The following TFRC variants were observed in gnomAD, a reference collection of about 807,000 sequenced individuals.
TFRC encodes transferrin receptor protein 1.
TFRC carries 35 observed loss-of-function variants against 85.8 expected under a neutral mutation model. That is an observed-to-expected ratio of 0.41 (90% CI 0.31 to 0.54). The LOEUF (loss-of-function observed/expected upper bound fraction) is 0.54. Ranked by LOEUF, TFRC falls within the 20% of genes least tolerant of loss-of-function variation. The pLI, the probability that TFRC is intolerant of heterozygous loss-of-function variation, is 0.31. For synonymous variants in TFRC, 362 were observed against 328.6 expected (o/e 1.10, Z -1.10); for missense variants, 828 against 921.5 (o/e 0.90, Z 1.31).
chr3:196,058,755 G>T (rs1298994152), intron 14 of TFRC, 123 bp from the exon 15 acceptor site: 12 of 555,304 alleles, frequency 2.2e-5, no homozygotes, highest in Admixed American at 1.7e-4. Context: ...TTCTTGAAAA[G>T]AAATTATTTA....
In TFRC at chr3:196,068,340, T is replaced by C. The variant is rs368354510; in HGVS notation, c.802-210A>G. On this transcript the variant is annotated intron_variant, in intron 7 of 18. Transcript: ENST00000360110. ...CAAAATAAGAGTAACGGGCCAGGAG[T>C]GGTGGCTCACGCCTGTAATCCCAAC... Among the ~76,000 whole-genome samples, 7 of 151,834 alleles carry C rather than the reference T, an allele frequency of 4.6e-5. No individual in the cohort carries two copies. The East Asian group carries it at 1.4e-3, about 29-fold the overall frequency.
intron 1 of TFRC, among the ~76,000 whole-genome samples, chr3:196,079,351 G>A (rs1042412525): frequency 6.6e-6 from 1 of 152,216 alleles, no homozygotes; most frequent in Non-Finnish European, 1.5e-5. Flanking sequence ...GCTCACGCCT[G>A]TAATCCCAGC....
In TFRC at chr3:196,051,809, T is replaced by A. The variant is rs112002506; in HGVS notation, c.*133A>T. ...TATTAAAAGCTGCTGCCTAAAGACA[T>A]CTAGTAGTACCAAGATGATGGGATG... On this transcript the variant is annotated 3_prime_UTR_variant, in exon 19 of 19. Coordinates refer to ENST00000360110, the MANE Select transcript of TFRC (RefSeq NM_001128148.3). The A allele has an allele frequency of 8.7e-5, 93 of 1,073,364 alleles. No individual in the cohort carries two copies. The African/African-American group carries it at 1.3e-3, about 16-fold the overall frequency. 66.5% of individuals were successfully genotyped at this position (1,073,364 alleles called of 1,614,324 possible).
At chr3:196,069,233 TA>T (rs1237868167) in intron 7 of TFRC, among the ~76,000 whole-genome samples, 1 of 152,232 alleles carries the variant, frequency 6.6e-6, no homozygotes, top group African/African-American at 2.4e-5. Context: ...TGTATATGCG[TA>T]AAACTGAGTT....
In TFRC at chr3:196,053,533, A is replaced by G; in HGVS notation, c.1925T>C (p.Leu642Pro). Residue 642 changes from leucine (L) to proline (P), a missense_variant, in exon 18 of 19, where the codon CTG becomes CCG. Leu to Pro is a moderately conservative substitution (Grantham distance 98). Transcript: ENST00000360110. ...GAAGAAGTCTCCACGAGCAGAATACAGCCACTGTAAACTCAGGCCCATTTC... is the reference window on the plus strand; with the variant it reads ...GAAGAAGTCTCCACGAGCAGAATACGGCCACTGTAAACTCAGGCCCATTTC... ...IKEMGLSLQW[L>P]YSARGDFFRA... The G allele has an allele frequency of 6.2e-7, 1 of 1,614,212 alleles. No individual in the cohort carries two copies. The highest frequency in any genetic ancestry group is 2.2e-5 in the East Asian group (1 of 44,872).
At position 196,051,241 on chromosome 3, in the gene TFRC, G is replaced by C; in HGVS notation, c.*701C>G. On this transcript the variant is annotated 3_prime_UTR_variant, in exon 19 of 19. Coordinates refer to ENST00000360110, the MANE Select transcript of TFRC (RefSeq NM_001128148.3). ...CAAAAATAACAAAGAACTAAATGGA[G>C]GCTTATGGGGGAAGGGACAGAGGAA... is the stretch of plus-strand genomic sequence containing the variant. 4.6e-6 allele frequency: 1 copy of C among 218,492 alleles called. No individual in the cohort carries two copies. The highest frequency in any genetic ancestry group is 9.2e-6 in the Non-Finnish European group (1 of 108,538). The allele number at this position is 218,492 out of a possible 1,614,324, so 13.5% of individuals were successfully genotyped here. A position where few individuals can be genotyped will look rare whatever the true frequency, so the allele number is the denominator to read the frequency against.
At chr3:196,055,024 A>G in intron 17 of TFRC, 56 bp downstream of exon 17, 1 of 1,536,528 alleles carries the variant, frequency 6.5e-7, no homozygotes, top group South Asian at 1.1e-5. Flanking sequence ...AACACATCAC[A>G]TTTCAAAATA....
chr3:196,051,910 T>G lies in TFRC; in HGVS notation c.*32A>C, dbSNP rs747005046. The G allele has an allele frequency of 6.2e-7, 1 of 1,608,778 alleles. No homozygotes were observed. The highest frequency in any genetic ancestry group is 2.2e-5 in the East Asian group (1 of 44,810). On this transcript the variant is annotated 3_prime_UTR_variant, in exon 19 of 19. Coordinates refer to ENST00000360110, the MANE Select transcript of TFRC (RefSeq NM_001128148.3). ...CACAAGTCTAGAAACCAGACTACCCTGCTGTTCTCATGGAAGCTATGGGTA... is the reference window on the plus strand; with the variant it reads ...CACAAGTCTAGAAACCAGACTACCCGGCTGTTCTCATGGAAGCTATGGGTA...
intron 11 of TFRC, among the ~76,000 whole-genome samples, chr3:196,063,616 G>A (rs1217282503): frequency 6.6e-6 from 1 of 152,158 alleles, no homozygotes; most frequent in Non-Finnish European, 1.5e-5. Flanking sequence ...AGAGTGGAAA[G>A]TAGGACAGAA....
At position 196,068,111 on chromosome 3, in the gene TFRC, A is replaced by G. The variant is rs372946953; in HGVS notation, c.821T>C (p.Leu274Ser). 1.1e-5 allele frequency: 17 copies of G among 1,612,252 alleles called. No homozygotes were observed. The highest frequency in any genetic ancestry group is 4.5e-5 in the East Asian group (2 of 44,854). ...FAEKVANAES[L>S]NAIGVLIYMD... Reference sequence around the variant, plus strand: ...GTATATCAACACACCAATTGCATTTAAGCTTTCAGCATTTGCAACCTAAAA... The same window carrying G: ...GTATATCAACACACCAATTGCATTTGAGCTTTCAGCATTTGCAACCTAAAA... The change falls in exon 8 of 19, where the codon TTA (leucine) becomes TCA (serine). Residue 274 changes from leucine to serine, a missense_variant. Leu to Ser is a moderately radical substitution (Grantham distance 145, BLOSUM62 -2). Transcript: ENST00000360110.
chr3:196,051,949 T>G lies in TFRC; in HGVS notation c.2276A>C (p.Glu759Ala). The change falls in exon 19 of 19, where the codon GAG becomes GCG. Residue 759 changes from glutamate to alanine, a missense_variant. Transcript: ENST00000360110. ...AAGCTATGGGTATCACATTTAAAAC[T>G]CATTGTCAATGTCCCAAACGTCACC... ...LSGDVWDIDNEF is the reference protein window; with the variant it reads ...LSGDVWDIDNAF 1.2e-6 allele frequency: 2 copies of G among 1,614,178 alleles called. No individual in the cohort carries two copies. The highest frequency in any genetic ancestry group is 8.5e-7 in the Non-Finnish European group (1 of 1,180,014).
chr3:196,080,460 A>C (rs547508528), intron 1 of TFRC, among the ~76,000 whole-genome samples: 2 of 152,340 alleles, frequency 1.3e-5, no homozygotes, highest in South Asian at 4.1e-4. Flanking sequence ...ACTGGACTCG[A>C]ACTCCTGACC....
chr3:196,064,741 C>T (rs1218006912), intron 10 of TFRC, among the ~76,000 whole-genome samples: 1 of 152,222 alleles, frequency 6.6e-6, no homozygotes, highest in Non-Finnish European at 1.5e-5. Context: ...TGGCAAACTA[C>T]AGCCCGCATG....
rs763022466 is a variant in TFRC at position 196,053,416 on chromosome 3, A to G, written c.2040+2T>C. 1 of 1,614,090 alleles carries G rather than the reference A, an allele frequency of 6.2e-7. No individual in the cohort carries two copies. The highest frequency in any genetic ancestry group is 1.7e-5 in the Admixed American group (1 of 60,012). ...TTCCTCCTTTCCCAAAAGTTCACTTACTCTCATGACACGATCATTGAGTTT... is the reference window on the plus strand; with the variant it reads ...TTCCTCCTTTCCCAAAAGTTCACTTGCTCTCATGACACGATCATTGAGTTT... On this transcript the variant is annotated splice_donor_variant, in intron 18 of 18. Coordinates refer to ENST00000360110, the MANE Select transcript of TFRC (RefSeq NM_001128148.3). LOFTEE classifies it high-confidence loss of function.
intron 5 of TFRC, 101 bp from the exon 6 acceptor site, chr3:196,071,599 T>G: frequency 8.6e-7 from 1 of 1,165,834 alleles, no homozygotes; most frequent in Non-Finnish European, 1.3e-6. Context: ...TGAGGAAATT[T>G]ACCTCTAAAT....
In TFRC at chr3:196,061,863, C is replaced by T. The variant is rs1394243039; in HGVS notation, c.1468+719G>A. 1.4e-4 allele frequency among the ~76,000 whole-genome samples: 22 copies of T among 152,304 alleles called. No homozygotes were observed. In the East Asian group the frequency reaches 3.1e-3, roughly 21 times the overall value. ...TGGGGTAGACATGACAGTTTGCATT[C>T]GTAACAGTTCCTAATGCTACTCATC... On this transcript the variant is annotated intron_variant, in intron 13 of 18. Coordinates refer to ENST00000360110, the MANE Select transcript of TFRC (RefSeq NM_001128148.3).
intron 13 of TFRC, chr3:196,062,324 G>T: frequency 2.4e-6 from 1 of 411,578 alleles, no homozygotes. Context: ...CTGAGGTCAG[G>T]AGTTCGAGAC....
intron 3 of TFRC, 74 bp from the exon 4 acceptor site, chr3:196,074,199 T>C (rs1280826760): frequency 2.1e-6 from 3 of 1,397,016 alleles, no homozygotes; most frequent in Admixed American, 2.2e-5. Context: ...GTTAATATTT[T>C]CAGGTAAGCC....
Position 196,051,845 on chromosome 3 carries a change from A to G in TFRC, c.*97T>C. The G allele has an allele frequency of 7.0e-7, 1 of 1,431,124 alleles. No individual in the cohort carries two copies. The highest frequency in any genetic ancestry group is 9.5e-7 in the Non-Finnish European group (1 of 1,051,624). The allele number at this position is 1,431,124 out of a possible 1,614,324, so 88.7% of individuals were successfully genotyped here. A position where few individuals can be genotyped will look rare whatever the true frequency, so the allele number is the denominator to read the frequency against. The stretch of plus-strand genomic sequence containing the variant: ...CAAGATGATGGGATGGAATTTTAAC[A>G]TCAGGTTTTGTAGCCCTACTGAAAA... On this transcript the variant is annotated 3_prime_UTR_variant, in exon 19 of 19. Transcript: ENST00000360110.
Sources: gnomAD v4.1 joint callset for allele counts (sites outside exome capture counted in the v4.1 genomes callset) on GRCh38, gnomAD v4.1.1 for gene constraint, MANE v1.5 for transcripts, NCBI Gene and HGNC (gene_info 2026-07-23, HGNC 2026-07-21) for gene names.